The following RAP1GAP2 variants were observed in gnomAD, a reference collection of about 807,000 sequenced individuals.
The protein encoded by RAP1GAP2 is rap1 GTPase-activating protein 2.
A neutral mutation model predicts 95.0 loss-of-function variants in RAP1GAP2; 27 were observed. That is an observed-to-expected ratio of 0.28 (90% CI 0.21 to 0.39). The LOEUF is 0.39. Ranked by LOEUF, RAP1GAP2 falls within the 10% of genes least tolerant of loss-of-function variation. The pLI, the probability that RAP1GAP2 is intolerant of heterozygous loss-of-function variation, is 1.00. For missense variants in RAP1GAP2, 771 were observed against 970.0 expected (o/e 0.79, Z 2.72); for synonymous variants, 373 against 380.9 (o/e 0.98, Z 0.24).
At chr17:2,854,295 C>G (rs1198525738) in intron 2 of RAP1GAP2, among the ~76,000 whole-genome samples, 6 of 152,166 alleles carry the variant, frequency 3.9e-5, no homozygotes, top group African/African-American at 2.4e-5. Context: ...TGGGCAGGAC[C>G]TTGGCGGAAT....
intron 2 of RAP1GAP2, among the ~76,000 whole-genome samples, chr17:2,883,120 A>T (rs1425596846): frequency 2.6e-5 from 4 of 152,140 alleles, no homozygotes; most frequent in Non-Finnish European, 4.4e-5. Flanking sequence ...GGCTACCTCC[A>T]TCTTCTCTGT....
Position 2,796,630 on chromosome 17 carries a change from G to A in RAP1GAP2, c.44+59G>A. 1 of 1,541,932 alleles carries A rather than the reference G, an allele frequency of 6.5e-7. No individual in the cohort carries two copies. Among genetic ancestry groups the A allele is most frequent in the Non-Finnish European group, 8.8e-7 (1 of 1,138,080 alleles). On this transcript the variant is annotated intron_variant, in intron 1 of 24. Transcript: ENST00000254695. This position sits in a 1 kb window ranked among gnomAD's most constrained non-coding sequence, Gnocchi z 4.7. ...GGAGAGAACTTAGAAGTGAAGTCTT[G>A]TTAAGTGCATTGGCGGCCGTGGGAA...
At chr17:2,919,085 G>A (rs1178891430) in intron 3 of RAP1GAP2, among the ~76,000 whole-genome samples, 1 of 152,152 alleles carries the variant, frequency 6.6e-6, no homozygotes, top group South Asian at 2.1e-4. Flanking sequence ...TGAGGGGCCT[G>A]TCTGTGGAAT....
chr17:2,945,572 T>G lies in RAP1GAP2; in HGVS notation c.166-12187T>G, dbSNP rs145341626. Reference sequence around the variant, plus strand: ...CTACTTCATCTTAAGGGGAAAGCTTTTAGTTTTTCATCACTGAGTATGATG... The same window carrying G: ...CTACTTCATCTTAAGGGGAAAGCTTGTAGTTTTTCATCACTGAGTATGATG... On this transcript the variant is annotated intron_variant, in intron 3 of 24. Transcript: ENST00000254695. 1.3e-3 allele frequency among the ~76,000 whole-genome samples: 204 copies of G among 152,208 alleles called. 5 individuals carry two copies. The East Asian group carries it at 0.032, about 24-fold the overall frequency.
intron 1 of RAP1GAP2, among the ~76,000 whole-genome samples, chr17:2,798,920 G>T (rs531268094): frequency 3.3e-5 from 5 of 152,320 alleles, no homozygotes; most frequent in Non-Finnish European, 5.9e-5. Flanking sequence ...CGCACCAGGA[G>T]CCCCGGTTCC....
At chr17:2,811,381 C>G (rs965658339) in intron 2 of RAP1GAP2, among the ~76,000 whole-genome samples, 1 of 152,174 alleles carries the variant, frequency 6.6e-6, no homozygotes. Context: ...AGGGCAGGGT[C>G]GGGACGTGAG....
chr17:2,808,475 C>G (rs895838007), intron 2 of RAP1GAP2, among the ~76,000 whole-genome samples: 4 of 152,200 alleles, frequency 2.6e-5, no homozygotes, highest in Non-Finnish European at 5.9e-5. Context: ...CCACCATATA[C>G]CTCCTGCCCT....
chr17:2,930,416 T>G (rs2043104100), intron 3 of RAP1GAP2, among the ~76,000 whole-genome samples: 1 of 152,230 alleles, frequency 6.6e-6, no homozygotes. Context: ...AGTGCTCAGG[T>G]GCCCTGGAGA....
At chr17:2,826,988 C>T (rs1194141118) in intron 2 of RAP1GAP2, among the ~76,000 whole-genome samples, 1 of 151,916 alleles carries the variant, frequency 6.6e-6, no homozygotes, top group African/African-American at 2.4e-5. Context: ...CCTGGTGTCA[C>T]AGCGAGACTC....
intron 3 of RAP1GAP2, among the ~76,000 whole-genome samples, chr17:2,922,271 C>T (rs574270747): frequency 3.3e-5 from 5 of 152,316 alleles, no homozygotes; most frequent in Admixed American, 2.6e-4. Context: ...ACGTTAATCC[C>T]GTTCCCGAGG....
chr17:2,790,641 T>A (rs2068900775), intron 1 of RAP1GAP2, among the ~76,000 whole-genome samples: 1 of 152,180 alleles, frequency 6.6e-6, no homozygotes, highest in South Asian at 2.1e-4. Flanking sequence ...GACCACCTAG[T>A]GCCTGCTTCA....
intron 4 of RAP1GAP2, among the ~76,000 whole-genome samples, chr17:2,961,779 C>T (rs1410080847): frequency 6.6e-6 from 1 of 152,166 alleles, no homozygotes; most frequent in East Asian, 1.9e-4. Flanking sequence ...CACCAGGCCT[C>T]CTGCCTGTCC....
At chr17:2,766,993 T>C (rs538402102) in intron 1 of RAP1GAP2, among the ~76,000 whole-genome samples, 1 of 151,884 alleles carries the variant, frequency 6.6e-6, no homozygotes, top group South Asian at 2.1e-4. Context: ...TTTTTTTTTT[T>C]TCATAGCACT....
In RAP1GAP2 at chr17:2,965,386, G is replaced by A. The variant is rs954786936; in HGVS notation, c.493-154G>A. 6 of 642,614 alleles carry A rather than the reference G, an allele frequency of 9.3e-6. No homozygotes were observed. The highest frequency in any genetic ancestry group is 2.7e-5 in the East Asian group (1 of 36,416). 39.8% of individuals were successfully genotyped at this position (642,614 alleles called of 1,614,324 possible). On this transcript the variant is annotated intron_variant, in intron 7 of 24. Transcript: ENST00000254695. The surrounding 1 kb of genome is among the most constrained non-coding windows in gnomAD (Gnocchi z 4.7). ...CCTGGCGCCTCCTGAGGATCCGGCC[G>A]TCGGTACCTGTTAATGTCGTTGTCA...
chr17:3,014,630 AC>A (rs2046694086), intron 17 of RAP1GAP2, among the ~76,000 whole-genome samples: 1 of 149,400 alleles, frequency 6.7e-6, no homozygotes, highest in Admixed American at 6.7e-5. Flanking sequence ...GCTCACTGCA[AC>A]CCCAGCCTCC....
intron 8 of RAP1GAP2, among the ~76,000 whole-genome samples, chr17:2,973,675 T>C (rs2044970349): frequency 6.6e-6 from 1 of 152,002 alleles, no homozygotes; most frequent in African/African-American, 2.4e-5. Flanking sequence ...GATCAAGAGA[T>C]GAAGTATATG....
chr17:2,832,475 G>C (rs187049776), intron 2 of RAP1GAP2, among the ~76,000 whole-genome samples: 1 of 146,844 alleles, frequency 6.8e-6, no homozygotes, highest in African/African-American at 2.5e-5. Context: ...GGAGAATGGC[G>C]TGAACCCAGG....
At chr17:2,876,549 A>C (rs2073105412) in intron 2 of RAP1GAP2, among the ~76,000 whole-genome samples, 1 of 152,224 alleles carries the variant, frequency 6.6e-6, no homozygotes, top group East Asian at 1.9e-4. Flanking sequence ...TGGAATCCAT[A>C]GAAAGGAATG....
intron 19 of RAP1GAP2, among the ~76,000 whole-genome samples, chr17:3,025,268 T>C (rs1361757873): frequency 1.3e-5 from 2 of 152,132 alleles, no homozygotes; most frequent in South Asian, 4.1e-4. Context: ...TCCCAGCTGC[T>C]TGGGAGGCTG....
Sources: allele counts gnomAD v4.1 joint callset (sites outside exome capture counted in the v4.1 genomes callset), GRCh38; gene constraint gnomAD v4.1.1; non-coding constraint Gnocchi (gnomAD v3.1); transcripts MANE v1.5; gene names NCBI Gene and HGNC (gene_info 2026-07-23, HGNC 2026-07-21).